ZFHX3: variants seen among roughly 807,000 people sequenced by gnomAD.
ZFHX3 encodes the protein zinc finger homeobox 3.
Under a neutral mutation model 279.1 loss-of-function variants are expected in ZFHX3, and 42 were observed. That is an observed-to-expected ratio of 0.15 (90% confidence interval 0.12 to 0.19). ZFHX3 has a LOEUF of 0.19. Ranked by LOEUF, ZFHX3 falls within the 10% of genes least tolerant of loss-of-function variation. ZFHX3 has a pLI of 1.00. For missense variants in ZFHX3, 4,981 were observed against 4,754.0 expected (o/e 1.05, Z -1.40); for synonymous variants, 2,293 against 1,957.8 (o/e 1.17, Z -4.52).
intron 2 of ZFHX3, chr16:73,499,540 C>T (rs2143661825): frequency 6.6e-6 from 1 of 152,278 alleles, no homozygotes; most frequent in South Asian, 2.1e-4. Context: ...CAAGTTCCTC[C>T]TGTTATGGTA....
chr16:73,732,048 TTACTC>T (rs1438346905), intron 1 of ZFHX3, among the ~76,000 whole-genome samples: 1 of 152,218 alleles, frequency 6.6e-6, no homozygotes, highest in Non-Finnish European at 1.5e-5. Context: ...AATTTTGAAA[TTACTC>T]TAACTCTGAA....
intron 2 of ZFHX3, among the ~76,000 whole-genome samples, chr16:73,485,919 TTC>T (rs776343626): frequency 2.0e-5 from 3 of 152,322 alleles, no homozygotes; most frequent in Non-Finnish European, 4.4e-5. Flanking sequence ...TGACAGAATT[TTC>T]TGTCTAATCA....
rs991634953 is a variant in ZFHX3 at position 72,786,368 on chromosome 16, T to G, written c.*796A>C. On this transcript the variant is annotated 3_prime_UTR_variant, in exon 10 of 10. Transcript: ENST00000268489. ...AGAAAGTCAGTTTTTAAAACTTATT[T>G]TTTTTAAGCTACAAGTCCTCAACAC... 6.6e-6 allele frequency: 1 copy of G among 152,388 alleles called. No individual in the cohort carries two copies. Among genetic ancestry groups the G allele is most frequent in the African/African-American group, 2.4e-5 (1 of 41,420 alleles). The allele number at this position is 152,388 out of a possible 1,614,324, so 9.4% of individuals were successfully genotyped here.
At chr16:73,803,818 C>T (rs771199106) in intron 1 of ZFHX3, among the ~76,000 whole-genome samples, 2 of 152,094 alleles carry the variant, frequency 1.3e-5, no homozygotes, top group Non-Finnish European at 2.9e-5. Context: ...AATTTTTCTG[C>T]GTGTGTGTCT....
intron 5 of ZFHX3, among the ~76,000 whole-genome samples, chr16:73,180,591 TC>T (rs1015597340): frequency 1.1e-4 from 16 of 152,148 alleles, no homozygotes; most frequent in Non-Finnish European, 2.2e-4. Flanking sequence ...ATGTTGGTGT[TC>T]CCAGGGGAAA....
intron 2 of ZFHX3, among the ~76,000 whole-genome samples, chr16:73,669,146 C>A (rs557316846): frequency 1.1e-4 from 17 of 151,804 alleles, no homozygotes; most frequent in African/African-American, 3.6e-4. Flanking sequence ...CACTGCCTCC[C>A]GGGCTCAAGC....
chr16:73,549,027 C>G (rs2020165006), intron 2 of ZFHX3, among the ~76,000 whole-genome samples: 1 of 152,064 alleles, frequency 6.6e-6, no homozygotes, highest in Non-Finnish European at 1.5e-5. Flanking sequence ...AGTTACTTCT[C>G]AGAAATTACA....
chr16:73,726,458 G>C (rs905095667), intron 1 of ZFHX3, among the ~76,000 whole-genome samples: 8 of 152,164 alleles, frequency 5.3e-5, no homozygotes, highest in Non-Finnish European at 1.2e-4. Context: ...CTATGCACTG[G>C]GGGTTTGTCC....
intron 4 of ZFHX3, among the ~76,000 whole-genome samples, chr16:73,301,060 C>A (rs745750917): frequency 6.6e-6 from 1 of 152,178 alleles, no homozygotes; most frequent in African/African-American, 2.4e-5. Context: ...CATCTGGACA[C>A]TCGATGGCAT....
intron 3 of ZFHX3, among the ~76,000 whole-genome samples, chr16:73,379,114 AC>A (rs1429049562): frequency 2.6e-5 from 4 of 152,266 alleles, no homozygotes; most frequent in Non-Finnish European, 5.9e-5. Context: ...AGATTTCTAT[AC>A]CCTTGTATCT....
Position 72,787,388 on chromosome 16 carries a change from G to C in ZFHX3, c.10888C>G (p.Pro3630Ala). The part of the protein sequence containing the change: ...VVSRASAAKP[P>A]SFPPLSSSST... ...GATGAGGAGAGAGGAGGAAAAGAAG[G>C]GGGCTTCGCTGCCGAAGCCCGGGAG... The change falls in exon 10 of 10, where the codon CCT becomes GCT. Residue 3630 changes from proline (P) to alanine (A), a missense_variant. By Grantham distance (27) the Pro-to-Ala change is conservative (BLOSUM62 -1). Coordinates refer to ENST00000268489, the MANE Select transcript of ZFHX3 (RefSeq NM_006885.4). 1 of 1,605,280 alleles carries C rather than the reference G, an allele frequency of 6.2e-7. No homozygotes were observed. Among genetic ancestry groups the C allele is most frequent in the Non-Finnish European group, 8.5e-7 (1 of 1,173,674 alleles).
intron 4 of ZFHX3, among the ~76,000 whole-genome samples, chr16:72,867,110 G>A (rs1384026317): frequency 6.6e-6 from 1 of 152,170 alleles, no homozygotes; most frequent in Non-Finnish European, 1.5e-5. Flanking sequence ...TGGGTCCAGT[G>A]TCAAGTCTCA....
At chr16:73,801,055 G>A (rs1388957113) in intron 1 of ZFHX3, among the ~76,000 whole-genome samples, 1 of 152,180 alleles carries the variant, frequency 6.6e-6, no homozygotes, top group Non-Finnish European at 1.5e-5. Context: ...GCCTGGAAAT[G>A]AATGCTACCA....
intron 4 of ZFHX3, among the ~76,000 whole-genome samples, chr16:72,881,526 C>T (rs73590743): frequency 0.2 from 29,810 of 152,156 alleles, 3,996 homozygotes; most frequent in African/African-American, 0.39. Flanking sequence ...TCCTCCCTGG[C>T]CCCTACCAAG....
At chr16:73,093,448 C>G (rs1966115094) in exon 8 of ZFHX3, 1 of 493,920 alleles carries the variant, frequency 2.0e-6, no homozygotes, top group African/African-American at 1.9e-5. Flanking sequence ...TCGCTCAGCT[C>G]TTTTGGGGGT....
intron 4 of ZFHX3, among the ~76,000 whole-genome samples, chr16:73,272,362 T>G (rs2014170017): frequency 6.6e-6 from 1 of 152,238 alleles, no homozygotes; most frequent in African/African-American, 2.4e-5. Flanking sequence ...ATCTGAGACC[T>G]GTTAGTCTGA....
chr16:73,611,033 C>T lies in ZFHX3; in HGVS notation c.-1547+69147G>A, dbSNP rs115475810. On this transcript the variant is annotated intron_variant, in intron 2 of 17. Coordinates refer to the ZFHX3 transcript ENST00000641206. ...CGAGCAGAAACAGCTGAAACATCTA[C>T]TCAAGCTGTCACCCCTGTGATAGGT... Among the ~76,000 whole-genome samples the T allele has an allele frequency of 1.4e-3, 216 of 152,344 alleles. 1 individual carries two copies. The highest frequency in any genetic ancestry group is 4.8e-3 in the African/African-American group (198 of 41,580).
At chr16:73,416,139 C>CA (rs1214033592) in intron 3 of ZFHX3, among the ~76,000 whole-genome samples, 7 of 132,792 alleles carry the variant, frequency 5.3e-5, no homozygotes, top group Non-Finnish European at 1.1e-4. Context: ...AAAAAAAAAA[C>CA]AAAAAACGGA....
intron 2 of ZFHX3, among the ~76,000 whole-genome samples, chr16:73,517,620 T>C (rs930160635): frequency 5.9e-5 from 9 of 152,210 alleles, no homozygotes; most frequent in Admixed American, 5.2e-4. Flanking sequence ...GGAAAAATAT[T>C]AGAAATGTAG....
Sources: allele counts gnomAD v4.1 joint callset (sites outside exome capture counted in the v4.1 genomes callset), GRCh38; gene constraint gnomAD v4.1.1; transcripts MANE v1.5; gene names NCBI Gene and HGNC (gene_info 2026-07-23, HGNC 2026-07-21).